EXOC4: variants seen among roughly 807,000 people sequenced by gnomAD.
EXOC4 encodes the protein exocyst complex component 4, also known as SEC8-like 1.
In EXOC4, 71 loss-of-function variants were observed where a neutral mutation model predicts 107.2. The ratio of observed to expected loss-of-function variants is 0.66; its 90% CI spans 0.55 to 0.81. The LOEUF is 0.81. EXOC4 is among the 30% of genes least tolerant of loss of function. EXOC4 has a pLI of 0.00. For missense variants in EXOC4, 1,108 were observed against 1,189.6 expected (o/e 0.93, Z 1.01); for synonymous variants, 456 against 441.2 (o/e 1.03, Z -0.42).
At chr7:133,860,631 T>C (rs1798513960) in intron 11 of EXOC4, among the ~76,000 whole-genome samples, 1 of 152,214 alleles carries the variant, frequency 6.6e-6, no homozygotes, top group African/African-American at 2.4e-5. Flanking sequence ...GAGAATCAAA[T>C]AGCTAAATAT....
chr7:133,580,507 A>G (rs947102916), intron 9 of EXOC4, among the ~76,000 whole-genome samples: 2 of 152,142 alleles, frequency 1.3e-5, no homozygotes, highest in African/African-American at 4.8e-5. Flanking sequence ...CAACGCTCCT[A>G]CATTTCTGTT....
At chr7:133,731,664 G>A (rs1438604822) in intron 10 of EXOC4, among the ~76,000 whole-genome samples, 2 of 152,100 alleles carry the variant, frequency 1.3e-5, no homozygotes, top group Non-Finnish European at 2.9e-5. Flanking sequence ...AGCTTAAATG[G>A]TTGCTTCTAG....
chr7:133,343,747 G>A (rs1338836058), intron 5 of EXOC4, among the ~76,000 whole-genome samples: 3 of 151,074 alleles, frequency 2.0e-5, no homozygotes. Context: ...TCTCTATTTT[G>A]GTGTCTTGTA....
At chr7:134,025,037 G>A (rs1795108891) in intron 17 of EXOC4, among the ~76,000 whole-genome samples, 1 of 152,166 alleles carries the variant, frequency 6.6e-6, no homozygotes, top group African/African-American at 2.4e-5. Flanking sequence ...GTTTATTTCT[G>A]CTCCCTTTCC....
At chr7:133,339,584 G>C (rs968885847) in intron 5 of EXOC4, among the ~76,000 whole-genome samples, 1 of 152,106 alleles carries the variant, frequency 6.6e-6, no homozygotes, top group East Asian at 1.9e-4. Context: ...CATTGAATTT[G>C]TAGATCACTT....
At chr7:133,730,278 A>G (rs1054800181) in intron 10 of EXOC4, among the ~76,000 whole-genome samples, 15 of 151,294 alleles carry the variant, frequency 9.9e-5, no homozygotes, top group African/African-American at 3.4e-4. Context: ...CAATATGACA[A>G]TCTTGTTAAA....
At chr7:133,274,114 C>A (rs555556826) in intron 1 of EXOC4, among the ~76,000 whole-genome samples, 41 of 152,158 alleles carry the variant, frequency 2.7e-4, no homozygotes, top group African/African-American at 9.2e-4. Flanking sequence ...TATCTCATTC[C>A]CTGGTTATTG....
At chr7:134,062,097 T>C (rs930058175) in intron 17 of EXOC4, among the ~76,000 whole-genome samples, 9 of 152,152 alleles carry the variant, frequency 5.9e-5, no homozygotes, top group Non-Finnish European at 1.2e-4. Context: ...AAATGAACAC[T>C]CGTTTAAAAC....
At chr7:133,641,431 C>CACAT (rs1554374921) in intron 10 of EXOC4, among the ~76,000 whole-genome samples, 11 of 151,692 alleles carry the variant, frequency 7.3e-5, no homozygotes, top group Non-Finnish European at 4.4e-5. Flanking sequence ...CCTGAGCACA[C>CACAT]ATATATATAT....
At chr7:133,769,683 A>G (rs896009011) in intron 10 of EXOC4, among the ~76,000 whole-genome samples, 3 of 151,936 alleles carry the variant, frequency 2.0e-5, no homozygotes, top group Non-Finnish European at 4.4e-5. Flanking sequence ...AAAGCTCTAA[A>G]TGCAGTATGT....
intron 10 of EXOC4, among the ~76,000 whole-genome samples, chr7:133,741,448 C>T (rs1435861042): frequency 1.3e-5 from 2 of 152,172 alleles, no homozygotes; most frequent in East Asian, 1.9e-4. Context: ...CATAACACCT[C>T]GCTCCTGTCA....
At chr7:134,067,630 T>TAC (rs1491203303), downstream of EXOC4, among the ~76,000 whole-genome samples, 185 of 20,270 alleles carry the variant, frequency 9.1e-3, 1 homozygote, top group East Asian at 0.13. Flanking sequence ...AACTCTTATA[T>TAC]ATATATATAC....
intron 2 of EXOC4, among the ~76,000 whole-genome samples, chr7:133,281,952 C>A (rs1039413421): frequency 6.6e-6 from 1 of 152,180 alleles, no homozygotes; most frequent in African/African-American, 2.4e-5. Flanking sequence ...ATCTGCCCAA[C>A]TTGGCCTCCC....
intron 9 of EXOC4, among the ~76,000 whole-genome samples, chr7:133,549,945 T>C (rs544999090): frequency 6.6e-6 from 1 of 152,340 alleles, no homozygotes; most frequent in Admixed American, 6.5e-5. Flanking sequence ...TTCTTTCACA[T>C]TTTTAAGTTT....
At chr7:133,870,979 G>A (rs1027583131) in intron 11 of EXOC4, among the ~76,000 whole-genome samples, 1 of 152,172 alleles carries the variant, frequency 6.6e-6, no homozygotes, top group Admixed American at 6.6e-5. Flanking sequence ...ACTCACATTC[G>A]CTGTGCTCCA....
chr7:133,421,281 A>G (rs1797597848), intron 7 of EXOC4, among the ~76,000 whole-genome samples: 1 of 152,176 alleles, frequency 6.6e-6, no homozygotes, highest in Non-Finnish European at 1.5e-5. Flanking sequence ...TGTATCCAGA[A>G]GTCATGATTG....
chr7:133,380,294 T>C (rs1199759972), intron 7 of EXOC4, among the ~76,000 whole-genome samples: 3 of 146,264 alleles, frequency 2.1e-5, no homozygotes, highest in Non-Finnish European at 3.0e-5. Flanking sequence ...TAAAATAAAA[T>C]GAGTGATTTG....
intron 17 of EXOC4, among the ~76,000 whole-genome samples, chr7:134,014,719 A>G (rs528952133): frequency 6.6e-6 from 1 of 152,246 alleles, no homozygotes; most frequent in South Asian, 2.1e-4. Context: ...CCCTGTGACT[A>G]TTCTAAAAGT....
At chr7:133,558,246 C>CTTTTCTTTTCTTTTCTTTTCTTTTCT (rs1336498022) in intron 9 of EXOC4, among the ~76,000 whole-genome samples, 1 of 144,488 alleles carries the variant, frequency 6.9e-6, no homozygotes, top group African/African-American at 2.6e-5. Flanking sequence ...CTTTTCTTTT[C>CTTTTCTTTTCTTTTCTTTTCTTTTCT]TTTTCTTTTC....
Sources: allele counts gnomAD v4.1 joint callset (sites outside exome capture counted in the v4.1 genomes callset), GRCh38; gene constraint gnomAD v4.1.1; transcripts MANE v1.5; gene names NCBI Gene and HGNC (gene_info 2026-07-23, HGNC 2026-07-21).